Variants in EXD3 observed in about 807,000 individuals in gnomAD.
EXD3 encodes the protein exonuclease mut-7 homolog.
A neutral mutation model predicts 98.0 loss-of-function variants in EXD3; 92 were observed. That is an observed-to-expected ratio of 0.94 (90% CI 0.79 to 1.12). The LOEUF is 1.12. Among genes scored for constraint, EXD3 ranks in the 50% most tolerant of loss-of-function variants. The pLI is 0.00. For missense variants in EXD3, 1,222 were observed against 1,191.6 expected (o/e 1.03, Z -0.38); for synonymous variants, 569 against 526.0 (o/e 1.08, Z -1.12).
Position 137,360,385 on chromosome 9 carries a change from G to A in EXD3, c.657-4017C>T, listed in dbSNP as rs1161034839. Among the ~76,000 whole-genome samples, 4 of 81,932 alleles carry A rather than the reference G, an allele frequency of 4.9e-5. 1 individual carries two copies. Among genetic ancestry groups the A allele is most frequent in the African/African-American group, 1.4e-4 (4 of 28,740 alleles). 53.8% of individuals were successfully genotyped at this position (81,932 alleles called of 152,430 possible). A position where few individuals can be genotyped will look rare whatever the true frequency, so the allele number is the denominator to read the frequency against. On this transcript the variant is annotated intron_variant, in intron 7 of 21. Transcript: ENST00000340951. Reference sequence around the variant, plus strand: ...CACTCTCTCAATGATTTCCTTTGACGTCCAGAAGGTATTAAGTCAAATTTG... The same window carrying A: ...CACTCTCTCAATGATTTCCTTTGACATCCAGAAGGTATTAAGTCAAATTTG...
chr9:137,381,415 C>CAAA lies in EXD3; in HGVS notation c.120+1895_120+1897dup, dbSNP rs61183889. Among the ~76,000 whole-genome samples the CAAA allele has an allele frequency of 7.6e-3, 384 of 50,798 alleles. 20 individuals are homozygous for CAAA. The highest frequency in any genetic ancestry group is 0.024 in the African/African-American group (355 of 14,976). 33.3% of individuals were successfully genotyped at this position (50,798 alleles called of 152,430 possible). A position where few individuals can be genotyped will look rare whatever the true frequency, so the allele number is the denominator to read the frequency against. ...TGGGTGACAGAACAAGACTCCTTCT[C>CAAA]AAAAAAAAAAAAAAAAAAAAAAAAG... On this transcript the variant is annotated intron_variant, in intron 3 of 21. Transcript: ENST00000340951.
intron 1 of EXD3, among the ~76,000 whole-genome samples, chr9:137,406,041 G>C (rs1209460228): frequency 6.6e-6 from 1 of 151,914 alleles, no homozygotes; most frequent in African/African-American, 2.4e-5. Flanking sequence ...GCAACATAGT[G>C]AGACCCCATC....
chr9:137,422,112 TA>T (rs35073810), intron 1 of EXD3, among the ~76,000 whole-genome samples: 38,353 of 119,438 alleles, frequency 0.32, 5,691 homozygotes, highest in East Asian at 0.67. Flanking sequence ...GTGGTGTTCT[TA>T]AAAAAAAAAA....
intron 7 of EXD3, among the ~76,000 whole-genome samples, chr9:137,362,260 C>G (rs1835028281): frequency 6.6e-6 from 1 of 152,054 alleles, no homozygotes; most frequent in African/African-American, 2.4e-5. Flanking sequence ...GCAAACATCC[C>G]TAACAAAATT....
chr9:137,308,937 G>A (rs890549392), intron 20 of EXD3, among the ~76,000 whole-genome samples: 8 of 152,116 alleles, frequency 5.3e-5, no homozygotes, highest in African/African-American at 1.2e-4. Context: ...GAGCCACCGC[G>A]CCCAGCCTGG....
intron 1 of EXD3, among the ~76,000 whole-genome samples, chr9:137,420,285 G>A (rs990875943): frequency 1.3e-5 from 2 of 152,150 alleles, no homozygotes; most frequent in African/African-American, 4.8e-5. Flanking sequence ...GTTTTCCAGA[G>A]TCAGAAAACC....
In EXD3 at chr9:137,324,894, G is replaced by A. The variant is rs568851874; in HGVS notation, c.1999-751C>T. 1.3e-5 allele frequency among the ~76,000 whole-genome samples: 2 copies of A among 151,982 alleles called. No individual in the cohort carries two copies. The highest frequency in any genetic ancestry group is 2.1e-4 in the South Asian group (1 of 4,798). The stretch of plus-strand genomic sequence containing the variant: ...TTTTTAGTAGAGACGGGGTTTCACC[G>A]TGTTAGCCAGGATGGTCTCGATCTC... On this transcript the variant is annotated intron_variant, in intron 17 of 21. Transcript: ENST00000340951. The surrounding 1 kb of genome is among the most constrained non-coding windows in gnomAD (Gnocchi z 4.1).
chr9:137,327,573 C>A (rs1454476429), intron 17 of EXD3, among the ~76,000 whole-genome samples: 3 of 151,780 alleles, frequency 2.0e-5, no homozygotes, highest in Non-Finnish European at 4.4e-5. Context: ...GTATGTTTTA[C>A]CACAAAAAGA....
intron 1 of EXD3, among the ~76,000 whole-genome samples, chr9:137,422,124 A>C (rs890260112): frequency 1.3e-5 from 2 of 151,624 alleles, no homozygotes; most frequent in African/African-American, 2.4e-5. Context: ...AAAAAAAAAA[A>C]AAAAAAAAAA....
chr9:137,377,587 G>A (rs952420119), intron 3 of EXD3, among the ~76,000 whole-genome samples: 2 of 150,418 alleles, frequency 1.3e-5, no homozygotes, highest in Non-Finnish European at 3.0e-5. Context: ...CAGACGTGCT[G>A]ATGCGCACCT....
intron 17 of EXD3, among the ~76,000 whole-genome samples, chr9:137,331,454 G>A (rs971152248): frequency 6.6e-6 from 1 of 152,038 alleles, no homozygotes; most frequent in Non-Finnish European, 1.5e-5. Context: ...CATCCAAATG[G>A]GAAAACAGGA....
At chr9:137,336,656 T>TAAAA (rs34705760) in intron 17 of EXD3, among the ~76,000 whole-genome samples, 3 of 112,592 alleles carry the variant, frequency 2.7e-5, no homozygotes, top group East Asian at 2.6e-4. Context: ...AGACTCCGTC[T>TAAAA]AAAAAAAAAA....
At chr9:137,366,160 T>G in intron 7 of EXD3, 1 of 701,026 alleles carries the variant, frequency 1.4e-6, no homozygotes, top group South Asian at 1.5e-5. Flanking sequence ...CCAAAAACTT[T>G]ATTAGATGAA....
At chr9:137,355,700 A>T (rs1315895661) in intron 8 of EXD3, among the ~76,000 whole-genome samples, 37 of 70,460 alleles carry the variant, frequency 5.3e-4, no homozygotes, top group African/African-American at 8.3e-4. Context: ...AAAGGGAGGA[A>T]GGAGGAAGGA....
At chr9:137,358,503 T>G (rs1025433846) in intron 7 of EXD3, among the ~76,000 whole-genome samples, 6 of 152,154 alleles carry the variant, frequency 3.9e-5, no homozygotes, top group African/African-American at 1.4e-4. Context: ...CTCCTTGCAT[T>G]TGCAGGTTCA....
At chr9:137,328,637 C>A (rs1376408250) in intron 17 of EXD3, among the ~76,000 whole-genome samples, 1 of 82,522 alleles carries the variant, frequency 1.2e-5, no homozygotes, top group Non-Finnish European at 2.2e-5. Context: ...CGGGACTACA[C>A]GGGGCTACAC....
intron 17 of EXD3, among the ~76,000 whole-genome samples, chr9:137,341,400 C>T (rs1010289887): frequency 6.6e-6 from 1 of 152,224 alleles, no homozygotes; most frequent in Admixed American, 6.5e-5. Context: ...GGACTCAGCA[C>T]ACAGTCACAC....
chr9:137,378,941 G>A (rs1308054513), intron 3 of EXD3, among the ~76,000 whole-genome samples: 1 of 146,932 alleles, frequency 6.8e-6, no homozygotes, highest in Non-Finnish European at 1.5e-5. Context: ...AGGGGTACGG[G>A]GTTTGTGGGT....
intron 1 of EXD3, among the ~76,000 whole-genome samples, chr9:137,411,952 G>T (rs1031208840): frequency 1.3e-5 from 2 of 152,168 alleles, no homozygotes; most frequent in African/African-American, 2.4e-5. Context: ...GCCTTGTGCC[G>T]CCAGCAGGCG....
Sources: allele counts gnomAD v4.1 joint callset (sites outside exome capture counted in the v4.1 genomes callset), GRCh38; gene constraint gnomAD v4.1.1; non-coding constraint Gnocchi (gnomAD v3.1); transcripts MANE v1.5; gene names NCBI Gene and HGNC (gene_info 2026-07-23, HGNC 2026-07-21).